Variants in CTCF observed in about 807,000 individuals in gnomAD.
CTCF encodes the protein CCCTC-binding factor.
In CTCF, 7 loss-of-function variants were observed where a neutral mutation model predicts 72.3. That is an observed-to-expected ratio of 0.10 (90% confidence interval 0.06 to 0.18). The LOEUF (loss-of-function observed/expected upper bound fraction) is 0.18, where lower values mean the gene tolerates loss of function less well. Among genes scored for constraint, CTCF ranks in the 10% least tolerant of loss-of-function variants. The probability of loss-of-function intolerance (pLI) is 1.00; values close to 1 mark genes in which losing one functional copy is unlikely to be tolerated. For missense variants in CTCF, 516 were observed against 949.1 expected (o/e 0.54, Z 6.00); for synonymous variants, 374 against 315.8 (o/e 1.18, Z -1.95).
chr16:67,636,254 T>C (rs978056201), intron 10 of CTCF, among the ~76,000 whole-genome samples: 1 of 151,926 alleles, frequency 6.6e-6, no homozygotes, highest in African/African-American at 2.4e-5. Context: ...CGTATGCCTG[T>C]AGTCACAGCT....
At chr16:67,624,561 C>A (rs1482358538) in intron 7 of CTCF, among the ~76,000 whole-genome samples, 1 of 151,446 alleles carries the variant, frequency 6.6e-6, no homozygotes, top group African/African-American at 2.4e-5. Context: ...ACCTTTTTTT[C>A]TCTCACTGGC....
At chr16:67,570,646 T>G (rs938458442) in intron 1 of CTCF, 1 of 151,706 alleles carries the variant, frequency 6.6e-6, no homozygotes, top group Non-Finnish European at 1.5e-5. Context: ...TTTCACCATG[T>G]TAGCCAGGCT....
rs1280388149 is a variant in CTCF at position 67,611,106 on chromosome 16, G to C, written c.274G>C (p.Asp92His). ...VAPEAEAAVD[D>H]TQIITLQVVN... ...TCCAGAAGCAGAGGCTGCTGTGGAC[G>C]ATACCCAGATTATAACTTTACAGGT... Residue 92 changes from aspartate (D) to histidine (H), a missense_variant, in exon 3 of 12, where the codon GAT (aspartate) becomes CAT (histidine). Physicochemically the swap from Asp to His is moderately conservative, Grantham distance 81. Coordinates refer to ENST00000264010, the MANE Select transcript of CTCF (RefSeq NM_006565.4). The C allele has an allele frequency of 6.2e-7, 1 of 1,614,148 alleles. No individual in the cohort carries two copies. The highest frequency in any genetic ancestry group is 2.2e-5 in the East Asian group (1 of 44,886).
intron 10 of CTCF, among the ~76,000 whole-genome samples, chr16:67,636,326 C>T (rs917626550): frequency 2.7e-5 from 4 of 150,760 alleles, no homozygotes; most frequent in Admixed American, 6.6e-5. Flanking sequence ...GAGCTGAGAT[C>T]GTGCCGCTGC....
At chr16:67,606,213 A>G (rs949920905) in intron 2 of CTCF, among the ~76,000 whole-genome samples, 6 of 152,000 alleles carry the variant, frequency 3.9e-5, no homozygotes, top group African/African-American at 1.4e-4. Context: ...TCTTACTCAT[A>G]ACTAATTCCC....
At chr16:67,613,084 G>T (rs1000125798) in intron 4 of CTCF, among the ~76,000 whole-genome samples, 1 of 152,192 alleles carries the variant, frequency 6.6e-6, no homozygotes. Flanking sequence ...CAGATATTCT[G>T]ATATTAGCTT....
chr16:67,587,218 T>C (rs1392104788), intron 2 of CTCF, among the ~76,000 whole-genome samples: 2 of 150,144 alleles, frequency 1.3e-5, no homozygotes, highest in Non-Finnish European at 3.0e-5. Flanking sequence ...TGCCTCGGCC[T>C]CCTGCAGTGC....
chr16:67,602,233 G>A (rs1010804965), intron 2 of CTCF, among the ~76,000 whole-genome samples: 4 of 152,104 alleles, frequency 2.6e-5, no homozygotes, highest in Admixed American at 6.5e-5. Context: ...ATTTTTTTCC[G>A]TTGTCTTCAA....
intron 8 of CTCF, chr16:67,627,397 G>A (rs1165904749): frequency 6.6e-6 from 1 of 152,298 alleles, no homozygotes. Flanking sequence ...GGAAGCTGAG[G>A]CAGGAGAATC....
chr16:67,580,636 A>C (rs917506627), intron 2 of CTCF, among the ~76,000 whole-genome samples: 1 of 151,910 alleles, frequency 6.6e-6, no homozygotes, highest in Non-Finnish European at 1.5e-5. Context: ...ATCTCAGCTC[A>C]CTGCAGCCTC....
intron 1 of CTCF, 170 bp from the exon 2 acceptor site, chr16:67,570,978 G>T (rs1015391822): frequency 1.3e-5 from 2 of 152,078 alleles, no homozygotes; most frequent in Admixed American, 1.3e-4. Context: ...TTTGTTATTG[G>T]CTTGATGGTG....
intron 2 of CTCF, among the ~76,000 whole-genome samples, chr16:67,591,920 T>C (rs1325179721): frequency 1.3e-5 from 2 of 152,010 alleles, no homozygotes; most frequent in Admixed American, 1.3e-4. Flanking sequence ...ACTATGTTGC[T>C]CAGGCTGGTC....
chr16:67,584,328 A>C (rs1175432626), intron 2 of CTCF, among the ~76,000 whole-genome samples: 1 of 146,422 alleles, frequency 6.8e-6, no homozygotes, highest in Admixed American at 6.7e-5. Context: ...CTCAAAAAAA[A>C]AAAGTCTTCT....
At chr16:67,631,941 G>C (rs1414729301) in intron 10 of CTCF, among the ~76,000 whole-genome samples, 6 of 151,752 alleles carry the variant, frequency 4.0e-5, no homozygotes, top group Non-Finnish European at 8.8e-5. Context: ...AGGGGGTTGT[G>C]GCCTGCGCCT....
In CTCF at chr16:67,628,677, G is replaced by C. The variant is rs748814849; in HGVS notation, c.1701+125G>C. 1.4e-4 allele frequency: 132 copies of C among 963,686 alleles called. 1 individual carries two copies. The highest frequency in any genetic ancestry group is 2.0e-4 in the Non-Finnish European group (126 of 625,414). The allele number at this position is 963,686 out of a possible 1,614,324, so 59.7% of individuals were successfully genotyped here. A position where few individuals can be genotyped will look rare whatever the true frequency, so the allele number is the denominator to read the frequency against. ...CAGAGATGCTCCATTGTTTGGAAAG[G>C]GTTAGTCATCCCCATCTTGATGTTT... On this transcript the variant is annotated intron_variant, in intron 9 of 11. Coordinates refer to ENST00000264010, the MANE Select transcript of CTCF (RefSeq NM_006565.4).
chr16:67,611,378 A>T lies in CTCF; in HGVS notation c.546A>T (p.Glu182Asp). Residue 182 changes from glutamate to aspartate, a missense_variant, in exon 3 of 12, where the codon GAA (glutamate) becomes GAT (aspartate). Around this residue, in one of 7 missense-constraint regions of CTCF, gnomAD observed 53 missense variants for 63.6 expected, o/e 0.83. Transcript: ENST00000264010. ...AGGTGGAGACACTAGAACAAGGGGA[A>T]CTTCCACCCCAGGAAGATCCTAGTT... ...NGEVETLEQG[E>D]LPPQEDPSWQ... 1.2e-6 allele frequency: 2 copies of T among 1,614,122 alleles called. No homozygotes were observed. The highest frequency in any genetic ancestry group is 1.7e-6 in the Non-Finnish European group (2 of 1,180,004).
chr16:67,576,404 G>C (rs144432201), intron 2 of CTCF, among the ~76,000 whole-genome samples: 1 of 151,984 alleles, frequency 6.6e-6, no homozygotes, highest in East Asian at 1.9e-4. Context: ...GTCACTTTTT[G>C]TTGGTTTTGT....
At chr16:67,636,899 G>GT (rs2052438975) in intron 11 of CTCF, 48 bp downstream of exon 11, 1 of 1,424,808 alleles carries the variant, frequency 7.0e-7, no homozygotes, top group African/African-American at 1.5e-5. Flanking sequence ...CTCCGAGCAT[G>GT]TGGGGGAGCC....
intron 2 of CTCF, among the ~76,000 whole-genome samples, chr16:67,609,563 T>A (rs140418377): frequency 6.6e-6 from 1 of 152,138 alleles, no homozygotes; most frequent in East Asian, 1.9e-4. Context: ...TCTTTAAGAC[T>A]CTTTTATCTG....
Sources: gnomAD v4.1 joint callset for allele counts (sites outside exome capture counted in the v4.1 genomes callset) on GRCh38, gnomAD v4.1.1 for gene constraint, gnomAD v4.1.1 regional missense constraint, MANE v1.5 for transcripts, NCBI Gene and HGNC (gene_info 2026-07-23, HGNC 2026-07-21) for gene names.